The following CSGALNACT1 variants were observed in gnomAD, a reference collection of about 807,000 sequenced individuals.
CSGALNACT1 encodes the protein beta4GalNAcT-1.
CSGALNACT1 carries 52 observed loss-of-function variants against 51.0 expected under a neutral mutation model. The observed-to-expected ratio is 1.02, with a 90% CI of 0.82 to 1.29. CSGALNACT1 has a LOEUF of 1.29. Ranked by LOEUF, CSGALNACT1 falls within the 50% of genes most tolerant of loss-of-function variation. The pLI is 0.00. For synonymous variants in CSGALNACT1, 341 were observed against 254.4 expected, an observed-to-expected ratio of 1.34 and a Z score of -3.24; for missense variants, 935 against 679.2, an observed-to-expected ratio of 1.38 and a Z score of -4.19.
At chr8:19,433,672 A>T (rs2059970067) in intron 6 of CSGALNACT1, among the ~76,000 whole-genome samples, 2 of 152,210 alleles carry the variant, frequency 1.3e-5, no homozygotes, top group African/African-American at 2.4e-5. Context: ...TCAAATAGTG[A>T]CAACTCTCTG....
intron 3 of CSGALNACT1, among the ~76,000 whole-genome samples, chr8:19,529,302 T>C (rs761308016): frequency 1.3e-5 from 2 of 152,044 alleles, no homozygotes; most frequent in African/African-American, 2.4e-5. Flanking sequence ...TGAGAGTGAG[T>C]GAGCAGTAGT....
intron 1 of CSGALNACT1, among the ~76,000 whole-genome samples, chr8:19,724,752 C>G (rs376166723): frequency 6.6e-6 from 1 of 152,236 alleles, no homozygotes. Context: ...CTGTTCTGCT[C>G]AGATACTTGA....
At chr8:19,677,413 G>A (rs1022654743) in intron 1 of CSGALNACT1, among the ~76,000 whole-genome samples, 6 of 152,162 alleles carry the variant, frequency 3.9e-5, no homozygotes, top group Non-Finnish European at 8.8e-5. Context: ...GCCCAGCCGC[G>A]AGTACATTTT....
chr8:19,551,695 C>T (rs982459423), intron 3 of CSGALNACT1, among the ~76,000 whole-genome samples: 19 of 152,118 alleles, frequency 1.2e-4, no homozygotes, highest in Non-Finnish European at 1.9e-4. Context: ...ACTTGGCTTT[C>T]GGTACTCTCC....
intron 4 of CSGALNACT1, among the ~76,000 whole-genome samples, chr8:19,469,138 C>G (rs1223137707): frequency 6.6e-6 from 1 of 152,138 alleles, no homozygotes; most frequent in Non-Finnish European, 1.5e-5. Context: ...ACTTGTAATC[C>G]TAGCACTTTG....
chr8:19,701,153 G>GTCTTTTTTTTT (rs2061846459), intron 1 of CSGALNACT1, among the ~76,000 whole-genome samples: 1 of 93,280 alleles, frequency 1.1e-5, no homozygotes, highest in African/African-American at 4.1e-5. Flanking sequence ...TCTATTATCC[G>GTCTTTTTTTTT]TTTTTTTTTT....
rs1554650175 is a variant in CSGALNACT1 at position 19,513,436 on chromosome 8, C to CTATATATA, written c.-296-7314_-296-7307dup. Among the ~76,000 whole-genome samples, 342 of 81,920 alleles carry CTATATATA rather than the reference C, an allele frequency of 4.2e-3. 9 individuals are homozygous for CTATATATA. The highest frequency in any genetic ancestry group is 0.013 in the East Asian group (17 of 1,264). 53.7% of individuals were successfully genotyped at this position (81,920 alleles called of 152,430 possible). A position where few individuals can be genotyped will look rare whatever the true frequency, so the allele number is the denominator to read the frequency against. On this transcript the variant is annotated intron_variant, in intron 3 of 9. Coordinates refer to ENST00000454498, the Ensembl canonical transcript of CSGALNACT1. ...TCTCACTCTCTCTCTCTCTCTCTCTCTATATATATATATATATATATATAT... is the reference window on the plus strand; with the variant it reads ...TCTCACTCTCTCTCTCTCTCTCTCTCTATATATATATATATATATATATATATATATAT...
chr8:19,565,719 G>C (rs2154102594), intron 3 of CSGALNACT1, among the ~76,000 whole-genome samples: 1 of 152,294 alleles, frequency 6.6e-6, no homozygotes, highest in Non-Finnish European at 1.5e-5. Context: ...AGGTGTTCAA[G>C]ACCAGCCTGG....
In CSGALNACT1 at chr8:19,461,807, C is replaced by A. The variant is rs13266969; in HGVS notation, c.635-3165G>T. Reference sequence around the variant, plus strand: ...CACATTCACCATGGAGGGCGTATCCCCACAGCAGCCACATTAGCCATGGAG... The same window carrying A: ...CACATTCACCATGGAGGGCGTATCCACACAGCAGCCACATTAGCCATGGAG... On this transcript the variant is annotated intron_variant, in intron 4 of 9. Transcript: ENST00000454498. Among the ~76,000 whole-genome samples, 102 of 40,284 alleles carry A rather than the reference C, an allele frequency of 2.5e-3. 19 individuals are homozygous for A. In the East Asian group the frequency reaches 0.037, roughly 15 times the overall value. The allele number at this position is 40,284 out of a possible 152,430, so 26.4% of individuals were successfully genotyped here. A position where few individuals can be genotyped will look rare whatever the true frequency, so the allele number is the denominator to read the frequency against.
intron 1 of CSGALNACT1, among the ~76,000 whole-genome samples, chr8:19,716,612 C>CAAAAA (rs60464594): frequency 0.06 from 2,536 of 41,964 alleles, 645 homozygotes; most frequent in Non-Finnish European, 0.079. Flanking sequence ...ACCCTCTCTA[C>CAAAAA]AAAAAAAAAA....
intron 3 of CSGALNACT1, among the ~76,000 whole-genome samples, chr8:19,507,652 C>T (rs1180157666): frequency 1.3e-5 from 2 of 151,340 alleles, no homozygotes; most frequent in East Asian, 3.9e-4. Flanking sequence ...TTTGTCGAGA[C>T]AGAGTCTCGC....
chr8:19,576,956 A>G (rs937894393), intron 3 of CSGALNACT1, among the ~76,000 whole-genome samples: 4 of 151,266 alleles, frequency 2.6e-5, no homozygotes, highest in Non-Finnish European at 5.9e-5. Flanking sequence ...CAGCTCGCTT[A>G]CCCCCCTCTT....
chr8:19,416,743 T>C (rs1199737875), intron 8 of CSGALNACT1, among the ~76,000 whole-genome samples: 2 of 152,238 alleles, frequency 1.3e-5, no homozygotes, highest in African/African-American at 2.4e-5. Context: ...ACGTGTGTAG[T>C]TGGCTATGTT....
At chr8:19,470,495 G>C (rs1322601827) in intron 4 of CSGALNACT1, among the ~76,000 whole-genome samples, 1 of 152,146 alleles carries the variant, frequency 6.6e-6, no homozygotes, top group African/African-American at 2.4e-5. Flanking sequence ...AGGCAACAGA[G>C]GAAACAAGAC....
intron 5 of CSGALNACT1, among the ~76,000 whole-genome samples, chr8:19,443,948 G>A (rs1278607421): frequency 6.6e-6 from 1 of 152,164 alleles, no homozygotes; most frequent in African/African-American, 2.4e-5. Flanking sequence ...TCAAGCATTA[G>A]AGTCTCATAA....
At chr8:19,434,600 C>T (rs2060106700) in intron 6 of CSGALNACT1, among the ~76,000 whole-genome samples, 1 of 152,140 alleles carries the variant, frequency 6.6e-6, no homozygotes, top group Non-Finnish European at 1.5e-5. Flanking sequence ...GTAAACAATT[C>T]AGAATGCAGG....
At chr8:19,635,396 G>A (rs1339609239) in intron 1 of CSGALNACT1, among the ~76,000 whole-genome samples, 1 of 152,208 alleles carries the variant, frequency 6.6e-6, no homozygotes, top group South Asian at 2.1e-4. Flanking sequence ...AGTCCTACCT[G>A]CCTACTGGTG....
chr8:19,455,217 T>G (rs1272640818), intron 5 of CSGALNACT1, among the ~76,000 whole-genome samples: 6 of 152,232 alleles, frequency 3.9e-5, no homozygotes, highest in Non-Finnish European at 5.9e-5. Context: ...TAAAAAGTCA[T>G]GTTTAAATTA....
At chr8:19,543,636 A>G (rs1424223165) in intron 3 of CSGALNACT1, among the ~76,000 whole-genome samples, 2 of 152,176 alleles carry the variant, frequency 1.3e-5, no homozygotes, top group Admixed American at 6.5e-5. Flanking sequence ...ATGTGGCTGC[A>G]TGTTTCCCAG....
Sources: gnomAD v4.1 joint callset for allele counts (sites outside exome capture counted in the v4.1 genomes callset) on GRCh38, gnomAD v4.1.1 for gene constraint, MANE v1.5 for transcripts, NCBI Gene and HGNC (gene_info 2026-07-23, HGNC 2026-07-21) for gene names.